RRAS2: variants seen among roughly 807,000 people sequenced by gnomAD.
RRAS2 encodes RAS related 2.
Under a neutral mutation model 27.6 loss-of-function variants are expected in RRAS2, and 7 were observed. That is an observed-to-expected ratio of 0.25 (90% confidence interval 0.14 to 0.48). RRAS2 has a LOEUF of 0.48. RRAS2 is among the 20% of genes least tolerant of loss of function. The pLI is 0.99. For missense variants in RRAS2, 178 were observed against 256.2 expected (o/e 0.69, Z 2.08); for synonymous variants, 86 against 90.9 (o/e 0.95, Z 0.31).
chr11:14,288,284 T>C (rs1019298378), intron 4 of RRAS2, among the ~76,000 whole-genome samples: 1 of 152,226 alleles, frequency 6.6e-6, no homozygotes, highest in Non-Finnish European at 1.5e-5. Context: ...CAGCCATTTA[T>C]TTGTTTTTAA....
chr11:14,308,874 T>C (rs1366149269), intron 1 of RRAS2, among the ~76,000 whole-genome samples: 1 of 152,216 alleles, frequency 6.6e-6, no homozygotes, highest in Admixed American at 6.5e-5. Context: ...CCCGCTTAAT[T>C]GCTGTATCAT....
chr11:14,327,587 CTT>C (rs1290142257), intron 1 of RRAS2, among the ~76,000 whole-genome samples: 1 of 152,112 alleles, frequency 6.6e-6, no homozygotes, highest in African/African-American at 2.4e-5. Context: ...CTCTACCCCC[CTT>C]TCTCTTCACT....
At chr11:14,309,828 C>T (rs558499343) in intron 1 of RRAS2, among the ~76,000 whole-genome samples, 4 of 152,290 alleles carry the variant, frequency 2.6e-5, no homozygotes, top group African/African-American at 9.6e-5. Flanking sequence ...AGAGTGAGGA[C>T]TTCAGATTTT....
chr11:14,281,551 A>C, intron 5 of RRAS2, 51 bp downstream of exon 5: 1 of 1,403,196 alleles, frequency 7.1e-7, no homozygotes, highest in Non-Finnish European at 9.7e-7. Flanking sequence ...CTTACTAAAA[A>C]CATTTAATAG....
chr11:14,360,453 T>A (rs2134050537), upstream of RRAS2, among the ~76,000 whole-genome samples: 1 of 152,212 alleles, frequency 6.6e-6, no homozygotes, highest in Non-Finnish European at 1.5e-5. Flanking sequence ...CAGGCTGAAG[T>A]GTAGTGGCAC....
chr11:14,333,706 G>C (rs991205104), intron 1 of RRAS2, among the ~76,000 whole-genome samples: 1 of 143,030 alleles, frequency 7.0e-6, no homozygotes, highest in Non-Finnish European at 1.5e-5. Context: ...CAGTGGCAGC[G>C]ATCACAGCTC....
chr11:14,358,700 A>G lies in RRAS2; in HGVS notation c.108+63T>C, dbSNP rs1385677960. On this transcript the variant is annotated intron_variant, in intron 1 of 5. Coordinates refer to ENST00000256196, the MANE Select transcript of RRAS2 (RefSeq NM_012250.6). This position sits in a 1 kb window ranked among gnomAD's most constrained non-coding sequence, Gnocchi z 5.1. ...GCGAGGTCGCGGCGGCCGCCCCGCC[A>G]CAGGTAGCGCCAGCCCCCGCCCGCC... is the stretch of plus-strand genomic sequence containing the variant. 6 of 1,094,764 alleles carry G rather than the reference A, an allele frequency of 5.5e-6. No homozygotes were observed. In the African/African-American group the frequency reaches 8.5e-5, roughly 15 times the overall value. The allele number at this position is 1,094,764 out of a possible 1,614,324, so 67.8% of individuals were successfully genotyped here.
intron 1 of RRAS2, among the ~76,000 whole-genome samples, chr11:14,308,886 T>C (rs1443525880): frequency 6.6e-6 from 1 of 152,228 alleles, no homozygotes; most frequent in Non-Finnish European, 1.5e-5. Flanking sequence ...CTGTATCATC[T>C]TGGGAAAGTT....
At chr11:14,313,370 G>A (rs1554949102) in intron 1 of RRAS2, among the ~76,000 whole-genome samples, 1 of 152,108 alleles carries the variant, frequency 6.6e-6, no homozygotes, top group African/African-American at 2.4e-5. Context: ...TATAATATAG[G>A]TCAGATTCTA....
intron 1 of RRAS2, among the ~76,000 whole-genome samples, chr11:14,331,373 TA>T (rs1848476426): frequency 1.3e-5 from 2 of 152,168 alleles, no homozygotes; most frequent in Non-Finnish European, 2.9e-5. Context: ...TTTCTACAGA[TA>T]TCAAAACAGC....
chr11:14,296,414 T>C (rs1241426651), intron 1 of RRAS2, among the ~76,000 whole-genome samples: 7 of 151,976 alleles, frequency 4.6e-5, no homozygotes, highest in African/African-American at 1.7e-4. Context: ...ATATCTGAAA[T>C]ATGCAAGACT....
At chr11:14,353,372 G>C (rs1849006034) in intron 1 of RRAS2, among the ~76,000 whole-genome samples, 2 of 152,084 alleles carry the variant, frequency 1.3e-5, no homozygotes, top group African/African-American at 2.4e-5. Context: ...GATCACCTGA[G>C]GTCAGGAGTT....
intron 5 of RRAS2, among the ~76,000 whole-genome samples, chr11:14,280,658 G>A (rs1482421854): frequency 7.0e-6 from 1 of 142,498 alleles, no homozygotes; most frequent in Admixed American, 7.0e-5. Context: ...CCCAGGAGGC[G>A]GAGGTTGTAA....
At chr11:14,352,027 G>A (rs1024628461) in intron 1 of RRAS2, among the ~76,000 whole-genome samples, 2 of 152,110 alleles carry the variant, frequency 1.3e-5, no homozygotes, top group African/African-American at 4.8e-5. Flanking sequence ...ATATTGCAGG[G>A]AATAAGCAAA....
At chr11:14,349,778 A>G (rs1554954527) in intron 1 of RRAS2, among the ~76,000 whole-genome samples, 1 of 152,216 alleles carries the variant, frequency 6.6e-6, no homozygotes, top group African/African-American at 2.4e-5. Context: ...TACTAGGATC[A>G]AAAGTTACCT....
chr11:14,313,921 T>C (rs2133986977), intron 1 of RRAS2, among the ~76,000 whole-genome samples: 1 of 152,324 alleles, frequency 6.6e-6, no homozygotes, highest in South Asian at 2.1e-4. Flanking sequence ...AGTCATTTGT[T>C]TACAATGCAG....
chr11:14,286,155 GTC>G (rs1849656475), intron 4 of RRAS2, among the ~76,000 whole-genome samples: 1 of 152,084 alleles, frequency 6.6e-6, no homozygotes, highest in Non-Finnish European at 1.5e-5. Context: ...CTGTTTTAAT[GTC>G]TCTGTCCACT....
chr11:14,349,535 T>C (rs1346763860), intron 1 of RRAS2, among the ~76,000 whole-genome samples: 1 of 152,170 alleles, frequency 6.6e-6, no homozygotes, highest in Non-Finnish European at 1.5e-5. Flanking sequence ...GAGTTCATTT[T>C]AACCTTCACA....
At chr11:14,341,815 G>A (rs1315483128) in intron 1 of RRAS2, 10 of 454,374 alleles carry the variant, frequency 2.2e-5, no homozygotes, top group East Asian at 1.4e-4. Flanking sequence ...CTCACCTCCC[G>A]ACTTAGGAAA....
Sources: gnomAD v4.1 joint callset for allele counts (sites outside exome capture counted in the v4.1 genomes callset) on GRCh38, gnomAD v4.1.1 for gene constraint, Gnocchi (gnomAD v3.1) non-coding constraint, MANE v1.5 for transcripts, NCBI Gene and HGNC (gene_info 2026-07-23, HGNC 2026-07-21) for gene names.